Variants in RPS6KC1 observed in about 807,000 individuals in gnomAD.
The protein encoded by RPS6KC1 is inactive ribosomal protein S6 kinase delta-1.
In RPS6KC1, 54 loss-of-function variants were observed where a neutral mutation model predicts 103.8. The observed-to-expected ratio is 0.52, with a 90% CI of 0.42 to 0.65. The LOEUF (loss-of-function observed/expected upper bound fraction) is 0.65. RPS6KC1 is among the 30% of genes least tolerant of loss of function. The probability of loss-of-function intolerance (pLI) is 0.00; values close to 1 mark genes in which losing one functional copy is unlikely to be tolerated. For missense variants in RPS6KC1, 1,151 were observed against 1,253.8 expected (o/e 0.92, Z 1.24); for synonymous variants, 439 against 438.7 (o/e 1.00, Z -0.01).
At chr1:213,419,267 A>G in the RPS6KC1 span, among the ~76,000 whole-genome samples, 2 of 152,182 alleles carry the variant, frequency 1.3e-5, no homozygotes, top group Non-Finnish European at 2.9e-5. Context: ...CATCCAAGTT[A>G]TCCACATTGT....
intron 8 of RPS6KC1, among the ~76,000 whole-genome samples, chr1:213,224,416 G>C (rs2093912210): frequency 6.6e-6 from 1 of 151,984 alleles, no homozygotes; most frequent in African/African-American, 2.4e-5. Context: ...TATTAGTATG[G>C]GCAAAGATGA....
chr1:213,059,889 T>C (rs1279052432), intron 1 of RPS6KC1, among the ~76,000 whole-genome samples: 3 of 152,216 alleles, frequency 2.0e-5, no homozygotes, highest in South Asian at 4.1e-4. Flanking sequence ...ACCAGGATGG[T>C]CTCCATCTAT....
the RPS6KC1 span, among the ~76,000 whole-genome samples, chr1:213,371,487 C>G: frequency 3.9e-4 from 59 of 152,246 alleles, no homozygotes; most frequent in African/African-American, 1.3e-3. Context: ...CATCTGATAA[C>G]TGTATGTTGA....
In RPS6KC1 at chr1:213,255,859, CCTAAATGCAGA is replaced by C. The variant is rs573453545; in HGVS notation, c.2912-5698_2912-5688del. Reference sequence around the variant, plus strand: ...TTCTTTATATCTTACCTAAATACAGCCTAAATGCAGAACTCTTTGTCGTAGCTTAGAGTCAT... The same window carrying C: ...TTCTTTATATCTTACCTAAATACAGCACTCTTTGTCGTAGCTTAGAGTCAT... On this transcript the variant is annotated intron_variant, in intron 12 of 14. Coordinates refer to ENST00000366960, the MANE Select transcript of RPS6KC1 (RefSeq NM_012424.6). Among the ~76,000 whole-genome samples, 10 of 152,270 alleles carry C rather than the reference CCTAAATGCAGA, an allele frequency of 6.6e-5. No homozygotes were observed. In the South Asian group the frequency reaches 1.7e-3, roughly 25 times the overall value.
At chr1:213,593,064 C>G in the RPS6KC1 span, among the ~76,000 whole-genome samples, 116,118 of 151,252 alleles carry the variant, frequency 0.77, 44,747 homozygotes, top group Non-Finnish European at 0.81. Context: ...GCATTACAAA[C>G]AGTGTTCAGC....
At chr1:213,564,250 C>G in the RPS6KC1 span, among the ~76,000 whole-genome samples, 1 of 152,060 alleles carries the variant, frequency 6.6e-6, no homozygotes, top group Non-Finnish European at 1.5e-5. Context: ...CATATTTTTT[C>G]TCAGCACTTT....
the RPS6KC1 span, among the ~76,000 whole-genome samples, chr1:213,728,016 G>A: frequency 6.6e-6 from 1 of 152,170 alleles, no homozygotes; most frequent in Non-Finnish European, 1.5e-5. Context: ...AGAGTCACAG[G>A]GGAGAAGAAG....
At chr1:213,789,265 G>A in the RPS6KC1 span, among the ~76,000 whole-genome samples, 1 of 152,126 alleles carries the variant, frequency 6.6e-6, no homozygotes, top group East Asian at 1.9e-4. Flanking sequence ...GGCCAGGATG[G>A]TGTCTATTTT....
At chr1:213,650,755 A>G in the RPS6KC1 span, among the ~76,000 whole-genome samples, 5 of 152,256 alleles carry the variant, frequency 3.3e-5, no homozygotes, top group South Asian at 1.0e-3. Flanking sequence ...GACCTTGGTC[A>G]CTGATGACAA....
At chr1:213,299,148 A>G in the RPS6KC1 span, among the ~76,000 whole-genome samples, 12 of 152,326 alleles carry the variant, frequency 7.9e-5, no homozygotes, top group African/African-American at 2.2e-4. Context: ...TAAGATGTGT[A>G]TCCCAGGAAA....
chr1:213,461,043 G>A, the RPS6KC1 span, among the ~76,000 whole-genome samples: 6 of 152,062 alleles, frequency 3.9e-5, no homozygotes, highest in Admixed American at 6.6e-5. Context: ...AAACCCCATC[G>A]TCTCAGCCCA....
the RPS6KC1 span, among the ~76,000 whole-genome samples, chr1:213,617,263 A>G: frequency 0.066 from 10,012 of 152,098 alleles, 645 homozygotes; most frequent in East Asian, 0.29. Flanking sequence ...CACCACATCT[A>G]ATGACAACCA....
the RPS6KC1 span, among the ~76,000 whole-genome samples, chr1:213,297,100 C>T: frequency 6.6e-6 from 1 of 152,184 alleles, no homozygotes; most frequent in Non-Finnish European, 1.5e-5. Flanking sequence ...TAAGCAGCAG[C>T]AGATGACAAT....
intron 8 of RPS6KC1, among the ~76,000 whole-genome samples, chr1:213,200,228 C>T (rs868200288): frequency 2.0e-5 from 3 of 152,130 alleles, no homozygotes; most frequent in Non-Finnish European, 4.4e-5. Flanking sequence ...TACATGACTT[C>T]AAAGTATACT....
chr1:213,216,700 A>G (rs1055246549), intron 8 of RPS6KC1, among the ~76,000 whole-genome samples: 3 of 152,250 alleles, frequency 2.0e-5, no homozygotes, highest in Non-Finnish European at 2.9e-5. Context: ...TCAAGCTAGA[A>G]CTCAGGATTA....
chr1:213,201,837 A>G (rs995042227), intron 8 of RPS6KC1, among the ~76,000 whole-genome samples: 5 of 152,222 alleles, frequency 3.3e-5, no homozygotes, highest in African/African-American at 1.2e-4. Flanking sequence ...TTCATCTAAA[A>G]TTGTGATACT....
the RPS6KC1 span, among the ~76,000 whole-genome samples, chr1:213,677,962 T>C: frequency 6.6e-6 from 1 of 151,082 alleles, no homozygotes; most frequent in South Asian, 2.1e-4. Context: ...GCCAAGATTA[T>C]GCCACTGCAC....
chr1:213,149,497 G>T (rs2088357224), intron 6 of RPS6KC1, among the ~76,000 whole-genome samples: 1 of 152,088 alleles, frequency 6.6e-6, no homozygotes, highest in African/African-American at 2.4e-5. Flanking sequence ...TTCCATTGTG[G>T]TCAGAGAAGG....
chr1:213,742,903 G>A, the RPS6KC1 span, among the ~76,000 whole-genome samples: 2 of 152,380 alleles, frequency 1.3e-5, no homozygotes, highest in African/African-American at 4.8e-5. Flanking sequence ...GGAGGCTGCA[G>A]AGAAACGGGA....
Sources: gnomAD v4.1 joint callset for allele counts (sites outside exome capture counted in the v4.1 genomes callset) on GRCh38, gnomAD v4.1.1 for gene constraint, MANE v1.5 for transcripts, NCBI Gene and HGNC (gene_info 2026-07-23, HGNC 2026-07-21) for gene names.